Variants in TCF7L1 observed in about 807,000 individuals in gnomAD.
TCF7L1 encodes the protein transcription factor 7 like 1, also known as transcription factor 7-like 1.
A neutral mutation model predicts 63.7 loss-of-function variants in TCF7L1; 18 were observed. The ratio of observed to expected loss-of-function variants is 0.28; its 90% CI spans 0.20 to 0.42. The LOEUF (loss-of-function observed/expected upper bound fraction) is 0.42. TCF7L1 is among the 10% of genes least tolerant of loss of function. TCF7L1 has a pLI of 1.00. For synonymous variants in TCF7L1, 355 were observed against 340.9 expected (o/e 1.04, Z -0.46); for missense variants, 654 against 779.3 (o/e 0.84, Z 1.91).
intron 6 of TCF7L1, 49 bp from the exon 7 acceptor site, chr2:85,304,206 C>G: frequency 6.4e-7 from 1 of 1,565,648 alleles, no homozygotes; most frequent in Admixed American, 1.7e-5. Flanking sequence ...CTCTCTTCCT[C>G]TGCCCTGAGC....
intron 3 of TCF7L1, among the ~76,000 whole-genome samples, chr2:85,265,032 G>A (rs187459529): frequency 9.1e-4 from 139 of 152,230 alleles, no homozygotes; most frequent in African/African-American, 3.3e-3. Context: ...ATGAAGATAT[G>A]TATTCTAGGC....
At chr2:85,175,859 C>T (rs1678668392) in intron 3 of TCF7L1, among the ~76,000 whole-genome samples, 1 of 152,182 alleles carries the variant, frequency 6.6e-6, no homozygotes, top group Admixed American at 6.5e-5. Flanking sequence ...TCATGGCTCT[C>T]CTCCCTTTCT....
intron 3 of TCF7L1, among the ~76,000 whole-genome samples, chr2:85,155,789 T>C (rs889051131): frequency 6.6e-6 from 1 of 151,996 alleles, no homozygotes; most frequent in East Asian, 1.9e-4. Flanking sequence ...CTAGGGCCAG[T>C]TACCCACCAG....
At chr2:85,300,820 C>T (rs1432762156) in intron 4 of TCF7L1, among the ~76,000 whole-genome samples, 1 of 151,010 alleles carries the variant, frequency 6.6e-6, no homozygotes, top group African/African-American at 2.4e-5. Context: ...TGCTCTGTCA[C>T]CCAGGCTGGA....
At chr2:85,263,782 A>G (rs1299278823) in intron 3 of TCF7L1, among the ~76,000 whole-genome samples, 1 of 152,230 alleles carries the variant, frequency 6.6e-6, no homozygotes, top group Admixed American at 6.5e-5. Flanking sequence ...CGTGGGTGCC[A>G]ACCTGCAGGG....
At chr2:85,154,197 A>G (rs919781983) in intron 3 of TCF7L1, among the ~76,000 whole-genome samples, 1 of 152,212 alleles carries the variant, frequency 6.6e-6, no homozygotes, top group Non-Finnish European at 1.5e-5. Flanking sequence ...ATATCGTTTT[A>G]TAGGCCTGTG....
At chr2:85,136,685 G>A (rs1314207803) in intron 3 of TCF7L1, among the ~76,000 whole-genome samples, 1 of 152,130 alleles carries the variant, frequency 6.6e-6, no homozygotes, top group Admixed American at 6.5e-5. Flanking sequence ...GTGTCTCTGT[G>A]TGCCTTTCGC....
chr2:85,278,118 A>G (rs554001969), intron 3 of TCF7L1, among the ~76,000 whole-genome samples: 1 of 152,336 alleles, frequency 6.6e-6, no homozygotes, highest in South Asian at 2.1e-4. Flanking sequence ...CAAAGCAAGG[A>G]TTCTGTAGGA....
chr2:85,285,242 A>C (rs1360061309), intron 4 of TCF7L1, among the ~76,000 whole-genome samples: 2 of 152,196 alleles, frequency 1.3e-5, no homozygotes, highest in East Asian at 1.9e-4. Flanking sequence ...CAAAAAAAAA[A>C]AACTGATAAT....
chr2:85,250,091 T>C (rs1337084087), intron 3 of TCF7L1, among the ~76,000 whole-genome samples: 2 of 152,038 alleles, frequency 1.3e-5, no homozygotes, highest in Non-Finnish European at 2.9e-5. Context: ...AGTGGGGAAA[T>C]GGGTTATAAG....
chr2:85,189,966 G>A (rs1355975406), intron 3 of TCF7L1, among the ~76,000 whole-genome samples: 1 of 152,224 alleles, frequency 6.6e-6, no homozygotes, highest in African/African-American at 2.4e-5. Context: ...GGAAGGGAGG[G>A]GTGGGAATAC....
chr2:85,166,104 G>A (rs1298347827), intron 3 of TCF7L1, among the ~76,000 whole-genome samples: 1 of 152,230 alleles, frequency 6.6e-6, no homozygotes, highest in Non-Finnish European at 1.5e-5. Context: ...TTGTCCTTTA[G>A]CCTCAGGTCA....
At chr2:85,243,979 G>A (rs757208340) in intron 3 of TCF7L1, among the ~76,000 whole-genome samples, 10 of 152,220 alleles carry the variant, frequency 6.6e-5, no homozygotes, top group Non-Finnish European at 1.2e-4. Context: ...GGAGGGTTCA[G>A]GGTAAAGCCT....
At chr2:85,260,812 G>C (rs555323334) in intron 3 of TCF7L1, among the ~76,000 whole-genome samples, 1 of 152,138 alleles carries the variant, frequency 6.6e-6, no homozygotes, top group Non-Finnish European at 1.5e-5. Flanking sequence ...AGAAAACTCA[G>C]TATCACATAC....
intron 3 of TCF7L1, among the ~76,000 whole-genome samples, chr2:85,169,016 TC>T (rs1328185031): frequency 6.6e-6 from 1 of 152,216 alleles, no homozygotes; most frequent in Non-Finnish European, 1.5e-5. Context: ...CTCTATTTCC[TC>T]CATTCAACTT....
intron 3 of TCF7L1, among the ~76,000 whole-genome samples, chr2:85,248,842 G>T (rs1202970201): frequency 6.6e-6 from 1 of 152,196 alleles, no homozygotes. Context: ...TCACTGCCCT[G>T]TTTAGACCTG....
Position 85,305,295 on chromosome 2 carries a change from C to T in TCF7L1, c.881C>T (p.Ala294Val), listed in dbSNP as rs750590239. ...AGTCGGTTCTCTCCTCACATGGTGG[C>T]TCCTGCCCACCCTGGCCTGCCCACC... ...VSSRFSPHMV[A>V]PAHPGLPTSG... Residue 294 changes from alanine to valine, a missense_variant, in exon 8 of 12, where the codon GCT (alanine) becomes GTT (valine). Coordinates refer to ENST00000282111, the MANE Select transcript of TCF7L1 (RefSeq NM_031283.3). 2 of 1,614,046 alleles carry T rather than the reference C, an allele frequency of 1.2e-6. No homozygotes were observed. Among genetic ancestry groups the T allele is most frequent in the Admixed American group, 1.7e-5 (1 of 60,012 alleles).
chr2:85,303,671 C>T (rs1682036876), intron 5 of TCF7L1: 2 of 429,804 alleles, frequency 4.7e-6, no homozygotes, highest in Non-Finnish European at 8.2e-6. Context: ...GAGATAGAAT[C>T]CGTGCAGCTA....
rs143697970 is a variant in TCF7L1 at position 85,160,676 on chromosome 2, G to A, written c.441+26226G>A. Among the ~76,000 whole-genome samples the A allele has an allele frequency of 7.9e-3, 1,195 of 151,612 alleles. 20 individuals are homozygous for A. Among genetic ancestry groups the A allele is most frequent in the African/African-American group, 0.027 (1,136 of 41,330 alleles). On this transcript the variant is annotated intron_variant, in intron 3 of 11. Transcript: ENST00000282111. ...TCCAGACCAGTCTGAGCAACAGGGC[G>A]AAACCCCATCTCTACAAAAAATACA...
Sources: gnomAD v4.1 joint callset for allele counts (sites outside exome capture counted in the v4.1 genomes callset) on GRCh38, gnomAD v4.1.1 for gene constraint, MANE v1.5 for transcripts, NCBI Gene and HGNC (gene_info 2026-07-23, HGNC 2026-07-21) for gene names.